The following LRMDA variants were observed in gnomAD, a reference collection of about 807,000 sequenced individuals.
The protein encoded by LRMDA is leucine rich melanocyte differentiation associated, also known as leucine-rich melanocyte differentiation-associated protein.
LRMDA carries 18 observed loss-of-function variants against 29.8 expected under a neutral mutation model. The observed-to-expected ratio is 0.60, with a 90% CI of 0.42 to 0.90. The LOEUF is 0.90. Among genes scored for constraint, LRMDA ranks in the 40% least tolerant of loss-of-function variants. The pLI is 0.00. For missense variants in LRMDA, 273 were observed against 273.9 expected (o/e 1.00, Z 0.02); for synonymous variants, 125 against 109.4 (o/e 1.14, Z -0.89).
chr10:75,807,204 C>T lies in LRMDA; in HGVS notation c.132-228804C>T, dbSNP rs377209140. 6.6e-5 allele frequency among the ~76,000 whole-genome samples: 10 copies of T among 152,152 alleles called. No individual in the cohort carries two copies. In the East Asian group the frequency reaches 1.7e-3, roughly 27 times the overall value. Reference sequence around the variant, plus strand: ...GAAGCAGCATGTGAGATGGAGTGAGCAGTAGGCATATGGCCAGGGTTTGTG... The same window carrying T: ...GAAGCAGCATGTGAGATGGAGTGAGTAGTAGGCATATGGCCAGGGTTTGTG... On this transcript the variant is annotated intron_variant, in intron 2 of 6. Coordinates refer to ENST00000611255, the MANE Select transcript of LRMDA (RefSeq NM_001305581.2).
chr10:75,627,621 A>G (rs1300977426), intron 2 of LRMDA, among the ~76,000 whole-genome samples: 1 of 152,164 alleles, frequency 6.6e-6, no homozygotes, highest in African/African-American at 2.4e-5. Context: ...TGTGGGCAAT[A>G]CTCAATCAAA....
chr10:75,834,935 A>G (rs1038647785), intron 2 of LRMDA, among the ~76,000 whole-genome samples: 1 of 152,214 alleles, frequency 6.6e-6, no homozygotes, highest in Non-Finnish European at 1.5e-5. Context: ...AGCCCATGTA[A>G]GCTTCTTCTA....
At chr10:75,754,077 T>C (rs1405806309) in intron 2 of LRMDA, among the ~76,000 whole-genome samples, 1 of 152,250 alleles carries the variant, frequency 6.6e-6, no homozygotes, top group African/African-American at 2.4e-5. Context: ...TTTATTCTTC[T>C]GTATATGCAC....
intron 5 of LRMDA, among the ~76,000 whole-genome samples, chr10:76,111,670 C>T (rs1452995172): frequency 6.6e-6 from 1 of 152,168 alleles, no homozygotes; most frequent in African/African-American, 2.4e-5. Flanking sequence ...CACAAGAAAA[C>T]TTTACTGTAA....
At chr10:76,022,187 C>T (rs1479875330) in intron 2 of LRMDA, among the ~76,000 whole-genome samples, 1 of 152,180 alleles carries the variant, frequency 6.6e-6, no homozygotes, top group Non-Finnish European at 1.5e-5. Flanking sequence ...GCCCTTGTTT[C>T]ACGAGATTTG....
chr10:75,561,883 G>T lies in LRMDA; in HGVS notation c.131+123389G>T, dbSNP rs548052983. On this transcript the variant is annotated intron_variant, in intron 2 of 6. Coordinates refer to ENST00000611255, the MANE Select transcript of LRMDA (RefSeq NM_001305581.2). ...TCCTGAGTTCTAGTTTGATTGCACCGTGGCCTGAGTGACAGTTTGTTATAA... is the reference window on the plus strand; with the variant it reads ...TCCTGAGTTCTAGTTTGATTGCACCTTGGCCTGAGTGACAGTTTGTTATAA... Among the ~76,000 whole-genome samples, 168 of 152,186 alleles carry T rather than the reference G, an allele frequency of 1.1e-3. 1 individual carries two copies. The highest frequency in any genetic ancestry group is 3.9e-3 in the African/African-American group (163 of 41,480).
chr10:76,527,156 T>G (rs2132369004), intron 6 of LRMDA, among the ~76,000 whole-genome samples: 1 of 152,148 alleles, frequency 6.6e-6, no homozygotes, highest in South Asian at 2.1e-4. Flanking sequence ...GGCCACCATT[T>G]TGATGTCATA....
At chr10:76,318,545 A>G (rs538566181) in intron 5 of LRMDA, 1 of 152,644 alleles carries the variant, frequency 6.6e-6, no homozygotes, top group Non-Finnish European at 1.5e-5. Context: ...GCATTTGCCC[A>G]GACTCTGACC....
intron 5 of LRMDA, among the ~76,000 whole-genome samples, chr10:76,311,961 A>G (rs949923209): frequency 2.0e-5 from 3 of 152,084 alleles, no homozygotes; most frequent in African/African-American, 7.2e-5. Context: ...GATGTCCCTC[A>G]TGGTGGTGCA....
intron 2 of LRMDA, among the ~76,000 whole-genome samples, chr10:75,614,350 A>G (rs1841072597): frequency 6.6e-6 from 1 of 152,168 alleles, no homozygotes; most frequent in Non-Finnish European, 1.5e-5. Context: ...ACTGACGGGA[A>G]GGGATGATGT....
intron 5 of LRMDA, among the ~76,000 whole-genome samples, chr10:76,272,615 G>T (rs555753179): frequency 6.6e-6 from 1 of 152,308 alleles, no homozygotes; most frequent in African/African-American, 2.4e-5. Context: ...CTTTGTCAGA[G>T]TAGGCCTATT....
chr10:75,662,333 G>A (rs1841764567), intron 2 of LRMDA, among the ~76,000 whole-genome samples: 1 of 152,188 alleles, frequency 6.6e-6, no homozygotes, highest in Non-Finnish European at 1.5e-5. Flanking sequence ...AAGCTGAGTA[G>A]ATCATAGACG....
chr10:76,462,741 A>G (rs1405973363), intron 6 of LRMDA, among the ~76,000 whole-genome samples: 2 of 152,212 alleles, frequency 1.3e-5, no homozygotes, highest in African/African-American at 4.8e-5. Context: ...CCAGCCAGAC[A>G]ACAGCCCTCT....
chr10:76,285,020 C>T (rs1325161607), intron 5 of LRMDA, among the ~76,000 whole-genome samples: 3 of 152,122 alleles, frequency 2.0e-5, no homozygotes, highest in Non-Finnish European at 4.4e-5. Flanking sequence ...ATAGATAATA[C>T]AGGGATGCTT....
intron 5 of LRMDA, among the ~76,000 whole-genome samples, chr10:76,176,717 T>C (rs1175096203): frequency 1.3e-5 from 2 of 152,146 alleles, no homozygotes; most frequent in South Asian, 2.1e-4. Flanking sequence ...TGCTTGAACC[T>C]GGGAGGCGGA....
chr10:76,296,487 A>T (rs76942349), intron 5 of LRMDA, among the ~76,000 whole-genome samples: 3,698 of 152,292 alleles, frequency 0.024, 70 homozygotes, highest in Middle Eastern at 0.099. Context: ...AAACCCAACT[A>T]TTTAATGTTT....
At chr10:75,620,641 C>A (rs1358759981) in intron 2 of LRMDA, among the ~76,000 whole-genome samples, 2 of 152,178 alleles carry the variant, frequency 1.3e-5, no homozygotes, top group African/African-American at 4.8e-5. Context: ...TTGTCACACT[C>A]CATCACTCCA....
intron 6 of LRMDA, among the ~76,000 whole-genome samples, chr10:76,458,357 C>T (rs1475920436): frequency 6.6e-6 from 1 of 152,062 alleles, no homozygotes; most frequent in Non-Finnish European, 1.5e-5. Flanking sequence ...GAAGAATGTG[C>T]TGTTATTTTT....
chr10:75,476,335 C>T (rs1168439529), intron 2 of LRMDA, among the ~76,000 whole-genome samples: 2 of 152,150 alleles, frequency 1.3e-5, no homozygotes, highest in Non-Finnish European at 2.9e-5. Flanking sequence ...CTCCAGAGGA[C>T]GTGAGGCAGG....
Sources: allele counts gnomAD v4.1 joint callset (sites outside exome capture counted in the v4.1 genomes callset), GRCh38; gene constraint gnomAD v4.1.1; transcripts MANE v1.5; gene names NCBI Gene and HGNC (gene_info 2026-07-23, HGNC 2026-07-21).